The following MAGI2 variants were observed in gnomAD, a reference collection of about 807,000 sequenced individuals.
MAGI2 encodes the protein membrane-associated guanylate kinase, WW and PDZ domain-containing protein 2.
MAGI2 carries 35 observed loss-of-function variants against 133.3 expected under a neutral mutation model. That is an observed-to-expected ratio of 0.26 (90% CI 0.20 to 0.35). The LOEUF is 0.35. Ranked by LOEUF, MAGI2 falls within the 10% of genes least tolerant of loss-of-function variation. MAGI2 has a pLI of 1.00. For synonymous variants in MAGI2, 729 were observed against 710.6 expected (o/e 1.03, Z -0.41); for missense variants, 1,636 against 1,863.4 (o/e 0.88, Z 2.25).
chr7:78,862,008 A>G (rs1397732612), intron 2 of MAGI2, among the ~76,000 whole-genome samples: 1 of 152,220 alleles, frequency 6.6e-6, no homozygotes, highest in Non-Finnish European at 1.5e-5. Context: ...ACAAAAATTC[A>G]GAAGAAAGGA....
At position 78,085,500 on chromosome 7, in the gene MAGI2, G is replaced by T. The variant is rs574572552; in HGVS notation, c.3568-6415C>A. Among the ~76,000 whole-genome samples the T allele has an allele frequency of 4.0e-5, 6 of 151,292 alleles. No individual in the cohort carries two copies. The South Asian group carries it at 1.3e-3, about 32-fold the overall frequency. On this transcript the variant is annotated intron_variant, in intron 20 of 21. Transcript: ENST00000354212. The stretch of plus-strand genomic sequence containing the variant: ...ATTGCACCTCTGTATTCCAGCCTGG[G>T]GAACAAGTGTGAGGACTTATCTCTA...
At chr7:78,762,839 A>G (rs1253590121) in intron 2 of MAGI2, among the ~76,000 whole-genome samples, 2 of 152,256 alleles carry the variant, frequency 1.3e-5, no homozygotes, top group Non-Finnish European at 2.9e-5. Flanking sequence ...TATAACTAGC[A>G]TTCTCTTAGA....
intron 1 of MAGI2, among the ~76,000 whole-genome samples, chr7:79,021,143 G>A (rs1369872112): frequency 6.6e-6 from 1 of 152,242 alleles, no homozygotes; most frequent in Non-Finnish European, 1.5e-5. Flanking sequence ...TTCAGAGGAT[G>A]TATGGAAACA....
At chr7:78,979,951 G>A (rs1228740243) in intron 2 of MAGI2, among the ~76,000 whole-genome samples, 1 of 151,786 alleles carries the variant, frequency 6.6e-6, no homozygotes, top group Admixed American at 6.6e-5. Flanking sequence ...CCTTTTCTCA[G>A]TATTTTGTAT....
In MAGI2 at chr7:78,692,994, C is replaced by T. The variant is rs371253517; in HGVS notation, c.419-65755G>A. On this transcript the variant is annotated intron_variant, in intron 2 of 21. Coordinates refer to ENST00000354212, the MANE Select transcript of MAGI2 (RefSeq NM_012301.4). ...ATATCCAATACTCATGCTTAGAGGCCGCATCAGAGATCAGTATCTAGTGAG... is the reference window on the plus strand; with the variant it reads ...ATATCCAATACTCATGCTTAGAGGCTGCATCAGAGATCAGTATCTAGTGAG... 3.3e-5 allele frequency among the ~76,000 whole-genome samples: 5 copies of T among 152,054 alleles called. No individual in the cohort carries two copies. In the South Asian group the frequency reaches 6.2e-4, roughly 19 times the overall value.
chr7:79,137,630 T>G (rs912538298), intron 1 of MAGI2, among the ~76,000 whole-genome samples: 4 of 151,928 alleles, frequency 2.6e-5, no homozygotes, highest in East Asian at 1.9e-4. Flanking sequence ...TTTTTGTATT[T>G]TCAGTAGAGA....
rs565005990 is a variant in MAGI2 at position 78,737,386 on chromosome 7, C to T, written c.419-110147G>A. On this transcript the variant is annotated intron_variant, in intron 2 of 21. Transcript: ENST00000354212. ...GATACACCATTGGAATTAAATTTAA[C>T]TGAGTACAAAAAATAAAGGTTCATT... Among the ~76,000 whole-genome samples the T allele has an allele frequency of 7.9e-5, 12 of 152,288 alleles. No homozygotes were observed. In the East Asian group the frequency reaches 1.3e-3, roughly 17 times the overall value.
At chr7:78,725,009 C>T (rs1395854730) in intron 2 of MAGI2, among the ~76,000 whole-genome samples, 1 of 152,130 alleles carries the variant, frequency 6.6e-6, no homozygotes, top group Non-Finnish European at 1.5e-5. Context: ...TAACAAATGG[C>T]TAGCAGGACA....
intron 6 of MAGI2, among the ~76,000 whole-genome samples, chr7:78,475,774 A>G (rs1303459199): frequency 1.3e-5 from 2 of 151,898 alleles, no homozygotes; most frequent in African/African-American, 4.8e-5. Flanking sequence ...TAACATAGGG[A>G]CAAGGGGTGA....
chr7:78,969,216 G>C (rs1003139462), intron 2 of MAGI2, among the ~76,000 whole-genome samples: 2 of 151,132 alleles, frequency 1.3e-5, no homozygotes, highest in African/African-American at 4.8e-5. Context: ...ATTAGGGTAG[G>C]AGGGCCAGTC....
chr7:78,147,341 G>A (rs1033034920), intron 16 of MAGI2, among the ~76,000 whole-genome samples: 5 of 151,954 alleles, frequency 3.3e-5, no homozygotes, highest in Admixed American at 6.6e-5. Flanking sequence ...CACCACATGT[G>A]GTCTCTCTTT....
intron 1 of MAGI2, among the ~76,000 whole-genome samples, chr7:79,141,347 A>C (rs1822114211): frequency 6.6e-6 from 1 of 152,164 alleles, no homozygotes; most frequent in African/African-American, 2.4e-5. Flanking sequence ...ACTATACAGA[A>C]AGTTACTGAG....
At chr7:79,408,894 C>T (rs1488906953) in intron 1 of MAGI2, among the ~76,000 whole-genome samples, 2 of 152,024 alleles carry the variant, frequency 1.3e-5, no homozygotes, top group Non-Finnish European at 2.9e-5. Context: ...CAAATCAATG[C>T]CTTGAACATT....
At chr7:78,588,629 C>T (rs1418443060) in intron 3 of MAGI2, among the ~76,000 whole-genome samples, 3 of 152,152 alleles carry the variant, frequency 2.0e-5, no homozygotes, top group Non-Finnish European at 4.4e-5. Flanking sequence ...ATCAGAGCCT[C>T]TTACTTCCAG....
chr7:78,246,807 C>A (rs1403255582), intron 10 of MAGI2, among the ~76,000 whole-genome samples: 1 of 152,138 alleles, frequency 6.6e-6, no homozygotes, highest in African/African-American at 2.4e-5. Flanking sequence ...TCACCAGGCC[C>A]AAATCTCCAT....
intron 1 of MAGI2, among the ~76,000 whole-genome samples, chr7:79,119,026 T>G (rs1819651348): frequency 6.6e-6 from 1 of 152,170 alleles, no homozygotes; most frequent in South Asian, 2.1e-4. Flanking sequence ...TAATTTCAAG[T>G]GGTCACAGAG....
chr7:79,217,838 A>G (rs1349471281), intron 1 of MAGI2, among the ~76,000 whole-genome samples: 2 of 152,062 alleles, frequency 1.3e-5, no homozygotes, highest in African/African-American at 2.4e-5. Context: ...CTTGGTACAT[A>G]ATAAGCAGTC....
chr7:78,519,463 T>C (rs1796313764), intron 4 of MAGI2, among the ~76,000 whole-genome samples: 3 of 152,170 alleles, frequency 2.0e-5, no homozygotes, highest in Non-Finnish European at 2.9e-5. Flanking sequence ...GCAGTATCCA[T>C]TGACTGTCTT....
chr7:78,552,972 T>C (rs78132230), intron 3 of MAGI2, among the ~76,000 whole-genome samples: 163 of 151,986 alleles, frequency 1.1e-3, no homozygotes, highest in Non-Finnish European at 1.2e-3. Flanking sequence ...TGGATATGAA[T>C]GAGAGTTTGT....
Sources: gnomAD v4.1 joint callset for allele counts (sites outside exome capture counted in the v4.1 genomes callset) on GRCh38, gnomAD v4.1.1 for gene constraint, MANE v1.5 for transcripts, NCBI Gene and HGNC (gene_info 2026-07-23, HGNC 2026-07-21) for gene names.